The following DOK6 variants were observed in gnomAD, a reference collection of about 807,000 sequenced individuals.
DOK6 encodes the protein downstream of tyrosine kinase 6.
DOK6 carries 22 observed loss-of-function variants against 44.0 expected under a neutral mutation model. That is an observed-to-expected ratio of 0.50 (90% confidence interval 0.36 to 0.71). DOK6 has a LOEUF of 0.71. Among genes scored for constraint, DOK6 ranks in the 30% least tolerant of loss-of-function variants. The pLI, the probability that DOK6 is intolerant of heterozygous loss-of-function variation, is 0.00. For synonymous variants in DOK6, 166 were observed against 145.5 expected (o/e 1.14, Z -1.01); for missense variants, 340 against 416.4 (o/e 0.82, Z 1.60).
intron 2 of DOK6, among the ~76,000 whole-genome samples, chr18:69,569,873 A>C (rs1372322474): frequency 1.3e-5 from 2 of 152,164 alleles, no homozygotes; most frequent in African/African-American, 4.8e-5. Context: ...GCCATGAAAA[A>C]AGAACAAGAT....
intron 7 of DOK6, among the ~76,000 whole-genome samples, chr18:69,781,900 T>C (rs1310039032): frequency 6.6e-6 from 1 of 152,128 alleles, no homozygotes; most frequent in African/African-American, 2.4e-5. Flanking sequence ...TAAAATTATA[T>C]ATTTTCTAGC....
chr18:69,694,061 A>C (rs1986337905), intron 4 of DOK6, among the ~76,000 whole-genome samples: 1 of 47,478 alleles, frequency 2.1e-5, no homozygotes, highest in Admixed American at 2.3e-4. Flanking sequence ...TCCGTGTCAA[A>C]AAAAAAAAAA....
At chr18:69,507,327 G>A (rs1835655535) in intron 1 of DOK6, among the ~76,000 whole-genome samples, 1 of 151,754 alleles carries the variant, frequency 6.6e-6, no homozygotes, top group African/African-American at 2.4e-5. Flanking sequence ...GTGCCCAGCC[G>A]GTAATTATAG....
At chr18:69,544,350 C>T (rs1982346345) in intron 1 of DOK6, among the ~76,000 whole-genome samples, 1 of 151,496 alleles carries the variant, frequency 6.6e-6, no homozygotes, top group Admixed American at 6.6e-5. Context: ...TGCTTTCATA[C>T]ATTTTTCAAG....
intron 1 of DOK6, among the ~76,000 whole-genome samples, chr18:69,490,437 A>T (rs940992406): frequency 3.3e-5 from 5 of 152,222 alleles, no homozygotes; most frequent in Non-Finnish European, 7.3e-5. Context: ...TGGAAAGCTG[A>T]AGATAATAAT....
At chr18:69,830,740 G>A (rs1981878627) in intron 7 of DOK6, among the ~76,000 whole-genome samples, 1 of 152,134 alleles carries the variant, frequency 6.6e-6, no homozygotes, top group Non-Finnish European at 1.5e-5. Context: ...GCATTGAGTT[G>A]TGAAAATTGA....
At chr18:69,666,562 G>A (rs1051124476) in intron 3 of DOK6, among the ~76,000 whole-genome samples, 1 of 151,892 alleles carries the variant, frequency 6.6e-6, no homozygotes, top group Non-Finnish European at 1.5e-5. Context: ...GAATGGCTCT[G>A]TTAATCATCG....
chr18:69,723,512 A>T (rs538700823), intron 5 of DOK6, among the ~76,000 whole-genome samples: 1 of 152,256 alleles, frequency 6.6e-6, no homozygotes, highest in African/African-American at 2.4e-5. Context: ...TGTCAGGGGT[A>T]TTGTGGGTCA....
In DOK6 at chr18:69,621,568, G is replaced by A. The variant is rs552081440; in HGVS notation, c.289+22070G>A. On this transcript the variant is annotated intron_variant, in intron 3 of 7. Transcript: ENST00000382713. ...GGAAGTGATTCTAATGGCTGACTAA[G>A]GAGTTTAAGCTGGATAAGCTGGGGA... Among the ~76,000 whole-genome samples the A allele has an allele frequency of 9.2e-5, 14 of 152,266 alleles. No individual in the cohort carries two copies. The South Asian group carries it at 2.9e-3, about 32-fold the overall frequency.
chr18:69,451,237 C>CA (rs1010565019), intron 1 of DOK6, among the ~76,000 whole-genome samples: 7 of 142,328 alleles, frequency 4.9e-5, no homozygotes, highest in African/African-American at 7.9e-5. Flanking sequence ...AAATGGAAAA[C>CA]AAAAAAAAGG....
intron 6 of DOK6, among the ~76,000 whole-genome samples, chr18:69,751,229 A>G (rs894066922): frequency 2.0e-5 from 3 of 152,212 alleles, no homozygotes; most frequent in East Asian, 1.9e-4. Flanking sequence ...GTACATTTCA[A>G]AATTACCAAG....
At chr18:69,516,842 A>ATTT (rs34387851) in intron 1 of DOK6, among the ~76,000 whole-genome samples, 20 of 140,028 alleles carry the variant, frequency 1.4e-4, no homozygotes, top group Admixed American at 3.6e-4. Context: ...CGCACGGCTA[A>ATTT]TTTTTTTTTT....
intron 6 of DOK6, among the ~76,000 whole-genome samples, chr18:69,748,407 AAAC>A (rs766606352): frequency 2.6e-5 from 4 of 152,026 alleles, no homozygotes; most frequent in Non-Finnish European, 4.4e-5. Context: ...CCCACCCCCA[AAAC>A]AACAAAATAT....
At chr18:69,651,798 C>T (rs1021678835) in intron 3 of DOK6, among the ~76,000 whole-genome samples, 6 of 152,012 alleles carry the variant, frequency 3.9e-5, no homozygotes, top group Non-Finnish European at 8.8e-5. Flanking sequence ...CATCAGCCCC[C>T]TTTAATCTCT....
rs991213520 is a variant in DOK6 at position 69,795,905 on chromosome 18, G to A, written c.856+38032G>A. On this transcript the variant is annotated intron_variant, in intron 7 of 7. Transcript: ENST00000382713. Reference sequence around the variant, plus strand: ...CCTCTGAGTAATCAAACTGTGGAAAGCAGCTTTGACCACGTAGGGAAAGAG... The same window carrying A: ...CCTCTGAGTAATCAAACTGTGGAAAACAGCTTTGACCACGTAGGGAAAGAG... Among the ~76,000 whole-genome samples the A allele has an allele frequency of 2.0e-5, 3 of 152,332 alleles. No homozygotes were observed. The South Asian group carries it at 6.2e-4, about 32-fold the overall frequency.
intron 3 of DOK6, among the ~76,000 whole-genome samples, chr18:69,667,112 G>GCT (rs1435874669): frequency 1.3e-5 from 2 of 152,060 alleles, no homozygotes; most frequent in Non-Finnish European, 2.9e-5. Context: ...TCAGCTACAT[G>GCT]CTCTTTCTCC....
intron 7 of DOK6, among the ~76,000 whole-genome samples, chr18:69,807,733 T>A (rs1248245488): frequency 1.3e-5 from 2 of 151,784 alleles, no homozygotes; most frequent in African/African-American, 4.8e-5. Flanking sequence ...TGTAAATTCA[T>A]CAAGAGAATA....
At chr18:69,539,050 T>C (rs911627309) in intron 1 of DOK6, among the ~76,000 whole-genome samples, 1 of 152,190 alleles carries the variant, frequency 6.6e-6, no homozygotes, top group Admixed American at 6.5e-5. Flanking sequence ...GTAATGAGTA[T>C]CAGCTGTTAT....
At chr18:69,822,581 G>T (rs1051367059) in intron 7 of DOK6, among the ~76,000 whole-genome samples, 1 of 152,162 alleles carries the variant, frequency 6.6e-6, no homozygotes, top group Non-Finnish European at 1.5e-5. Context: ...CCCAGAAAGA[G>T]ACATTATCTT....
Sources: gnomAD v4.1 joint callset for allele counts (sites outside exome capture counted in the v4.1 genomes callset) on GRCh38, gnomAD v4.1.1 for gene constraint, MANE v1.5 for transcripts, NCBI Gene and HGNC (gene_info 2026-07-23, HGNC 2026-07-21) for gene names.